Variants in CUL3 observed in about 807,000 individuals in gnomAD.
The protein encoded by CUL3 is cullin 3, also known as cullin-3.
Under a neutral mutation model 89.1 loss-of-function variants are expected in CUL3, and 19 were observed. The ratio of observed to expected loss-of-function variants is 0.21; its 90% confidence interval spans 0.15 to 0.31. CUL3 has a LOEUF of 0.31. CUL3 is among the 10% of genes least tolerant of loss of function. The probability of loss-of-function intolerance (pLI) is 1.00; values close to 1 mark genes in which losing one functional copy is unlikely to be tolerated. For synonymous variants in CUL3, 351 were observed against 308.4 expected (o/e 1.14, Z -1.45); for missense variants, 469 against 942.3 (o/e 0.50, Z 6.58).
At chr2:224,571,812 GA>G (rs1695186907) in intron 1 of CUL3, among the ~76,000 whole-genome samples, 1 of 152,130 alleles carries the variant, frequency 6.6e-6, no homozygotes, top group Non-Finnish European at 1.5e-5. Flanking sequence ...AAGGCCACAG[GA>G]AAAGACACTA....
In CUL3 at chr2:224,550,486, A is replaced by T. The variant is rs1049986270; in HGVS notation, c.264+7173T>A. ...CTATATGTTCACAATTCCCAAATAC[A>T]CATCTCCAGTTCAAACTTCTCGGAT... On this transcript the variant is annotated intron_variant, in intron 2 of 15. Coordinates refer to ENST00000264414, the MANE Select transcript of CUL3 (RefSeq NM_003590.5). Among the ~76,000 whole-genome samples, 11 of 152,172 alleles carry T rather than the reference A, an allele frequency of 7.2e-5. No individual in the cohort carries two copies. In the East Asian group the frequency reaches 2.1e-3, roughly 29 times the overall value.
At chr2:224,552,235 A>AT (rs1694541207) in intron 2 of CUL3, among the ~76,000 whole-genome samples, 1 of 150,576 alleles carries the variant, frequency 6.6e-6, no homozygotes, top group South Asian at 2.1e-4. Flanking sequence ...TTTTTACTTT[A>AT]TTTAGAAAAA....
At chr2:224,559,241 G>A (rs1694826987) in intron 1 of CUL3, among the ~76,000 whole-genome samples, 1 of 151,990 alleles carries the variant, frequency 6.6e-6, no homozygotes, top group Non-Finnish European at 1.5e-5. Flanking sequence ...CTGGAGCTTA[G>A]GAGTTTGAGA....
At chr2:224,564,086 G>C (rs1486401674) in intron 1 of CUL3, among the ~76,000 whole-genome samples, 1 of 152,118 alleles carries the variant, frequency 6.6e-6, no homozygotes, top group African/African-American at 2.4e-5. Flanking sequence ...ACAAGTTCAA[G>C]ACCAGCCTGG....
intron 1 of CUL3, chr2:224,569,863 T>A (rs923385904): frequency 9.1e-5 from 87 of 960,226 alleles, no homozygotes; most frequent in Non-Finnish European, 1.0e-4. Context: ...GGGGAAAGGG[T>A]GAGAATTTGA....
intron 3 of CUL3, among the ~76,000 whole-genome samples, chr2:224,520,839 T>C (rs1266433447): frequency 1.3e-5 from 2 of 152,182 alleles, no homozygotes; most frequent in Non-Finnish European, 2.9e-5. Context: ...CTCTTCACCC[T>C]ACCAACATAT....
intron 1 of CUL3, among the ~76,000 whole-genome samples, chr2:224,566,193 T>C (rs1173736151): frequency 1.3e-5 from 2 of 152,016 alleles, no homozygotes; most frequent in East Asian, 1.9e-4. Context: ...GTAGAAAAAA[T>C]ACTAAAAGGC....
intron 2 of CUL3, 133 bp from the exon 3 acceptor site, chr2:224,535,774 A>G: frequency 1.5e-6 from 1 of 659,440 alleles, no homozygotes; most frequent in Admixed American, 2.4e-5. Context: ...ATAGGCTAGT[A>G]GAAATATTTT....
rs1692624289 is a variant in CUL3 at position 224,506,938 on chromosome 2, T to C, written c.949A>G (p.Met317Val). Residue 317 changes from methionine to valine, a missense_variant, in exon 7 of 16, where the codon ATG becomes GTG. By Grantham distance (21) the Met-to-Val change is conservative. Coordinates refer to ENST00000264414, the MANE Select transcript of CUL3 (RefSeq NM_003590.5). Reference protein sequence around the residue: ...PNGLKTMCECMSSYLREQGKA... With the variant: ...PNGLKTMCECVSSYLREQGKA... ...CCTTGCTCCCTCAAATAGGAACTCA[T>C]ACACTCACACATTGTTTTCAAACCA... 3 of 1,613,658 alleles carry C rather than the reference T, an allele frequency of 1.9e-6. No homozygotes were observed. The highest frequency in any genetic ancestry group is 1.7e-6 in the Non-Finnish European group (2 of 1,179,710).
At chr2:224,537,292 A>C (rs372377284) in intron 2 of CUL3, among the ~76,000 whole-genome samples, 1 of 152,220 alleles carries the variant, frequency 6.6e-6, no homozygotes, top group East Asian at 1.9e-4. Context: ...TATTGGGGAA[A>C]ACGAGGTTAT....
chr2:224,528,600 A>G (rs1316220977), intron 3 of CUL3, among the ~76,000 whole-genome samples: 1 of 152,154 alleles, frequency 6.6e-6, no homozygotes, highest in Non-Finnish European at 1.5e-5. Flanking sequence ...CTGTCACCCT[A>G]AACTGATGGT....
intron 5 of CUL3, among the ~76,000 whole-genome samples, chr2:224,511,920 T>C (rs1222296008): frequency 1.3e-5 from 2 of 152,182 alleles, no homozygotes; most frequent in African/African-American, 2.4e-5. Flanking sequence ...GGACATTCTT[T>C]TTTGATTTGT....
At chr2:224,565,101 G>C (rs1695008806) in intron 1 of CUL3, among the ~76,000 whole-genome samples, 1 of 152,056 alleles carries the variant, frequency 6.6e-6, no homozygotes, top group Non-Finnish European at 1.5e-5. Context: ...TCAAAATACT[G>C]TGTATAACTT....
At chr2:224,571,499 AC>A (rs1376515936) in intron 1 of CUL3, among the ~76,000 whole-genome samples, 1 of 152,202 alleles carries the variant, frequency 6.6e-6, no homozygotes, top group African/African-American at 2.4e-5. Context: ...AAGGAAAAAA[AC>A]ATACAAAATA....
At chr2:224,537,043 T>G (rs548346456) in intron 2 of CUL3, among the ~76,000 whole-genome samples, 1 of 152,336 alleles carries the variant, frequency 6.6e-6, no homozygotes, top group East Asian at 1.9e-4. Flanking sequence ...TTTCTAATAG[T>G]GGTTATGCTT....
chr2:224,500,029 G>A (rs1018045644), intron 11 of CUL3: 1 of 206,216 alleles, frequency 4.8e-6, no homozygotes, highest in Admixed American at 5.3e-5. Flanking sequence ...GGAGTTAGCT[G>A]AAGTGTTCAG....
intron 13 of CUL3, among the ~76,000 whole-genome samples, chr2:224,487,155 G>A (rs962935208): frequency 2.0e-5 from 3 of 152,168 alleles, no homozygotes; most frequent in African/African-American, 7.2e-5. Context: ...ACCAGCCACT[G>A]CAAAAACATA....
intron 2 of CUL3, among the ~76,000 whole-genome samples, chr2:224,550,127 G>A (rs889175210): frequency 6.6e-6 from 1 of 151,964 alleles, no homozygotes; most frequent in African/African-American, 2.4e-5. Context: ...ATACAGGTTG[G>A]GTACTCCTCA....
intron 15 of CUL3, among the ~76,000 whole-genome samples, chr2:224,475,379 C>T (rs542610403): frequency 5.9e-5 from 9 of 152,222 alleles, no homozygotes; most frequent in East Asian, 5.8e-4. Flanking sequence ...AAAATAAAGC[C>T]GGAGAAGAAA....
Sources: gnomAD v4.1 joint callset for allele counts (sites outside exome capture counted in the v4.1 genomes callset) on GRCh38, gnomAD v4.1.1 for gene constraint, MANE v1.5 for transcripts, NCBI Gene and HGNC (gene_info 2026-07-23, HGNC 2026-07-21) for gene names.